TCF4: variants seen among roughly 807,000 people sequenced by gnomAD.
TCF4 encodes the protein transcription factor 4.
Under a neutral mutation model 82.1 loss-of-function variants are expected in TCF4, and 3 were observed. The observed-to-expected ratio is 0.04, with a 90% CI of 0.02 to 0.09. The LOEUF (loss-of-function observed/expected upper bound fraction) is 0.09. Among genes scored for constraint, TCF4 ranks in the 10% least tolerant of loss-of-function variants. TCF4 has a pLI of 1.00. For synonymous variants in TCF4, 276 were observed against 309.6 expected (o/e 0.89, Z 1.14); for missense variants, 518 against 852.7 (o/e 0.61, Z 4.89).
chr18:55,247,563 G>T (rs1385297343), intron 15 of TCF4, among the ~76,000 whole-genome samples: 2 of 152,158 alleles, frequency 1.3e-5, no homozygotes, highest in East Asian at 1.9e-4. Context: ...GGTACTGAAT[G>T]GGGGAGGAGA....
At chr18:55,332,808 T>C (rs1478125394) in intron 8 of TCF4, among the ~76,000 whole-genome samples, 1 of 152,250 alleles carries the variant, frequency 6.6e-6, no homozygotes. Flanking sequence ...TTTGAGGAGA[T>C]ATAGACTCCA....
At chr18:55,300,547 C>A (rs538846384) in intron 8 of TCF4, among the ~76,000 whole-genome samples, 1 of 152,064 alleles carries the variant, frequency 6.6e-6, no homozygotes, top group Non-Finnish European at 1.5e-5. Context: ...CTCACCCCTG[C>A]GTTCATTCTA....
chr18:55,599,785 ATT>A (rs2097694886), intron 2 of TCF4, among the ~76,000 whole-genome samples: 1 of 152,144 alleles, frequency 6.6e-6, no homozygotes, highest in Non-Finnish European at 1.5e-5. Context: ...AGCTCGATAA[ATT>A]TTTACTTATA....
Position 55,588,111 on chromosome 18 carries a change from ACCG to A in TCF4, c.-97_-95del. The A allele has an allele frequency of 4.9e-6, 5 of 1,029,560 alleles. No homozygotes were observed. Among genetic ancestry groups the A allele is most frequent in the East Asian group, 1.7e-4 (2 of 11,456 alleles). 63.8% of individuals were successfully genotyped at this position (1,029,560 alleles called of 1,614,324 possible). ...GCGTTCATGTCTAACCGCCGCCGCC[ACCG>A]CCGCCGCCTGCTCCTGCGCCCGCTC... On this transcript the variant is annotated 5_prime_UTR_variant, in exon 1 of 20. Transcript: ENST00000354452.
At chr18:55,513,950 C>T (rs982351038) in intron 3 of TCF4, among the ~76,000 whole-genome samples, 3 of 152,068 alleles carry the variant, frequency 2.0e-5, no homozygotes, top group Admixed American at 2.0e-4. Context: ...CATGCAAATC[C>T]CTTTGTATAG....
chr18:55,621,186 A>AT (rs917055446), intron 2 of TCF4, among the ~76,000 whole-genome samples: 1 of 151,342 alleles, frequency 6.6e-6, no homozygotes, highest in East Asian at 1.9e-4. Flanking sequence ...CTAGGCCTTC[A>AT]TTTTTTCATC....
At chr18:55,466,032 C>T (rs536377659) in intron 3 of TCF4, among the ~76,000 whole-genome samples, 4 of 152,260 alleles carry the variant, frequency 2.6e-5, no homozygotes, top group Admixed American at 1.3e-4. Flanking sequence ...GGAAAGAGGA[C>T]GCTACTGCCA....
rs910329754 is a variant in TCF4, at chr18:55,223,561, G to A, written c.*4474C>T. 13 of 152,498 alleles carry A rather than the reference G, an allele frequency of 8.5e-5. No homozygotes were observed. Among genetic ancestry groups the A allele is most frequent in the African/African-American group, 2.9e-4 (12 of 41,408 alleles). The allele number at this position is 152,498 out of a possible 1,614,324, so 9.4% of individuals were successfully genotyped here. On this transcript the variant is annotated 3_prime_UTR_variant, in exon 20 of 20. Transcript: ENST00000354452. ...CCTTGACCAAGCTGGGTTTGTTTTT[G>A]TCTTGAAGGAACTCCAGCACACAAC...
intron 3 of TCF4, chr18:55,482,642 G>A (rs919413278): frequency 3.3e-5 from 5 of 152,134 alleles, no homozygotes; most frequent in Admixed American, 3.3e-4. Flanking sequence ...ATTGATGTCA[G>A]GATTAGAGCA....
At chr18:55,371,797 G>C (rs1227706782) in intron 6 of TCF4, among the ~76,000 whole-genome samples, 1 of 152,122 alleles carries the variant, frequency 6.6e-6, no homozygotes, top group Non-Finnish European at 1.5e-5. Flanking sequence ...TGAAATTATT[G>C]TCACAAGTCT....
intron 5 of TCF4, among the ~76,000 whole-genome samples, chr18:55,415,161 G>A (rs1226946938): frequency 6.6e-6 from 1 of 152,074 alleles, no homozygotes; most frequent in Non-Finnish European, 1.5e-5. Flanking sequence ...ATGGTTAATC[G>A]TGATATACAA....
At chr18:55,602,288 G>T (rs775470932) in intron 2 of TCF4, among the ~76,000 whole-genome samples, 5 of 152,258 alleles carry the variant, frequency 3.3e-5, no homozygotes, top group Non-Finnish European at 7.4e-5. Flanking sequence ...TCAGGGTCAG[G>T]GTCAGAACCC....
intron 5 of TCF4, among the ~76,000 whole-genome samples, chr18:55,448,492 C>T (rs2095564653): frequency 6.6e-6 from 1 of 152,224 alleles, no homozygotes. Context: ...AATGGCCTAG[C>T]AAATGCAAAG....
chr18:55,266,327 A>T (rs2059164464), intron 11 of TCF4: 1 of 152,206 alleles, frequency 6.6e-6, no homozygotes, highest in African/African-American at 2.4e-5. Flanking sequence ...ACTGAACTGC[A>T]CTGCTTCTGA....
intron 2 of TCF4, among the ~76,000 whole-genome samples, chr18:55,611,504 A>G (rs1383247861): frequency 6.6e-6 from 1 of 152,210 alleles, no homozygotes; most frequent in Non-Finnish European, 1.5e-5. Context: ...CCAAAGCTAT[A>G]TAGCACCATG....
intron 5 of TCF4, among the ~76,000 whole-genome samples, chr18:55,434,385 G>C (rs2095275458): frequency 6.7e-6 from 1 of 150,098 alleles, no homozygotes; most frequent in Non-Finnish European, 1.5e-5. Context: ...TTCTGGTTCT[G>C]GTAATGTGTT....
At chr18:55,270,223 C>T (rs948863545) in intron 10 of TCF4, among the ~76,000 whole-genome samples, 4 of 152,036 alleles carry the variant, frequency 2.6e-5, no homozygotes, top group East Asian at 3.9e-4. Flanking sequence ...ATCACAATCT[C>T]GAAATCTACA....
In TCF4 at chr18:55,261,490, A is replaced by G. The variant is rs142998298; in HGVS notation, c.966T>C (p.Asp322=). 1,084 of 1,613,864 alleles carry G rather than the reference A, an allele frequency of 6.7e-4. No homozygotes were observed. The highest frequency in any genetic ancestry group is 8.6e-4 in the Non-Finnish European group (1,014 of 1,179,876). ...SGAAGSSQTG[D]ALGKALASIY... The stretch of plus-strand genomic sequence containing the variant: ...CCGAAGCAAGTGCTTTCCCCAGAGC[A>G]TCTCCAGTCTGGGAGCTGCCGGCTG... The change falls in exon 12 of 20, where the codon GAT becomes GAC. Residue 322 remains aspartate, a synonymous_variant. Coordinates refer to ENST00000354452, the MANE Select transcript of TCF4 (RefSeq NM_001083962.2).
intron 3 of TCF4, among the ~76,000 whole-genome samples, chr18:55,531,918 T>G (rs1462625016): frequency 6.6e-6 from 1 of 152,208 alleles, no homozygotes; most frequent in African/African-American, 2.4e-5. Flanking sequence ...CATATCTGTT[T>G]AGAAATTTTT....
Sources: allele counts gnomAD v4.1 joint callset (sites outside exome capture counted in the v4.1 genomes callset), GRCh38; gene constraint gnomAD v4.1.1; transcripts MANE v1.5; gene names NCBI Gene and HGNC (gene_info 2026-07-23, HGNC 2026-07-21).